Variants in VCF2 observed in about 807,000 individuals in gnomAD.
VCF2 encodes VCP nuclear cofactor family member 2.
At chrX:55,143,668 T>C in the VCF2 span, 1 of 502,474 alleles carries the variant, frequency 2.0e-6, no homozygotes, top group East Asian at 3.5e-5. Context: ...GTTTCACAGC[T>C]TTCTGAGCCC....
the VCF2 span, among the ~76,000 whole-genome samples, chrX:55,149,799 G>A: frequency 8.9e-6 from 1 of 111,871 alleles, no homozygotes. Flanking sequence ...AATTTGTTTG[G>A]AAAAATTTAA....
chrX:55,157,791 A>T, the VCF2 span, among the ~76,000 whole-genome samples: 1 of 111,895 alleles, frequency 8.9e-6, no homozygotes, highest in East Asian at 2.8e-4. Flanking sequence ...GCTCCAGATA[A>T]GCCACTTGTG....
At chrX:55,159,043 T>C in the VCF2 span, 1 of 770,887 alleles carries the variant, frequency 1.3e-6, no homozygotes, top group Non-Finnish European at 1.8e-6. Context: ...CTTGGAATAA[T>C]ACATTTCTTT....
the VCF2 span, among the ~76,000 whole-genome samples, chrX:55,148,600 G>A: frequency 9.1e-3 from 1,013 of 111,057 alleles, 10 homozygotes; most frequent in African/African-American, 0.031. Flanking sequence ...AAAGAAAGAT[G>A]TCTGGGATAA....
At chrX:55,147,480 T>A in the VCF2 span, among the ~76,000 whole-genome samples, 1 of 110,023 alleles carries the variant, frequency 9.1e-6, no homozygotes, top group African/African-American at 3.3e-5. Flanking sequence ...AAAAGAAAAT[T>A]AAAAAAAAAT....
chrX:55,160,959 C>T, the VCF2 span: 1 of 1,165,213 alleles, frequency 8.6e-7, no homozygotes, highest in Non-Finnish European at 1.1e-6. Flanking sequence ...GCCGCGCCAC[C>T]GGCCAACACT....
At chrX:55,158,350 G>A in the VCF2 span, among the ~76,000 whole-genome samples, 1 of 111,897 alleles carries the variant, frequency 8.9e-6, no homozygotes, top group Non-Finnish European at 1.9e-5. Flanking sequence ...GCACCTTGAA[G>A]TTAAAATTCA....
At chrX:55,156,450 C>G in the VCF2 span, among the ~76,000 whole-genome samples, 1 of 112,189 alleles carries the variant, frequency 8.9e-6, no homozygotes, top group African/African-American at 3.2e-5. Flanking sequence ...CTAACCAAAT[C>G]CATCAGAGGG....
chrX:55,152,102 G>A, the VCF2 span, among the ~76,000 whole-genome samples: 4 of 107,488 alleles, frequency 3.7e-5, no homozygotes, highest in Non-Finnish European at 5.8e-5. Context: ...CGTTTTAGCC[G>A]GGATGGTCTC....
chrX:55,155,948 T>C, the VCF2 span, among the ~76,000 whole-genome samples: 85 of 101,823 alleles, frequency 8.3e-4, no homozygotes, highest in African/African-American at 2.7e-3. Flanking sequence ...CTTCTTTTTT[T>C]TTTTTTTTTT....
chrX:55,152,186 C>T, the VCF2 span, among the ~76,000 whole-genome samples: 11 of 111,607 alleles, frequency 9.9e-5, no homozygotes, highest in Non-Finnish European at 1.3e-4. Context: ...CCACCGTGCC[C>T]GGCCAAGCTG....
the VCF2 span, among the ~76,000 whole-genome samples, chrX:55,150,489 C>T: frequency 1.8e-5 from 2 of 111,641 alleles, no homozygotes; most frequent in Non-Finnish European, 3.8e-5. Flanking sequence ...CTCGCTTGCC[C>T]ACCACTCACC....
chrX:55,161,166 C>T, the VCF2 span: 2 of 1,204,435 alleles, frequency 1.7e-6, no homozygotes, highest in Admixed American at 2.2e-5. Context: ...TAGTCCTGCC[C>T]TCGGAACCAT....
At chrX:55,143,944 G>T in the VCF2 span, 2 of 702,740 alleles carry the variant, frequency 2.8e-6, no homozygotes, top group Non-Finnish European at 4.3e-6. Flanking sequence ...GACCACTCTG[G>T]AATAAGACTG....
At chrX:55,160,604 T>A in the VCF2 span, 2 of 433,726 alleles carry the variant, frequency 4.6e-6, no homozygotes, top group East Asian at 3.7e-5. Flanking sequence ...TTTAACAGTC[T>A]AACCAAGTTT....
the VCF2 span, chrX:55,146,273 A>T: frequency 1.7e-6 from 2 of 1,209,643 alleles, no homozygotes; most frequent in Non-Finnish European, 1.1e-6. Flanking sequence ...CTGGGATATT[A>T]ATGCGGCTGC....
chrX:55,148,205 A>T, the VCF2 span, among the ~76,000 whole-genome samples: 1,021 of 110,839 alleles, frequency 9.2e-3, 9 homozygotes, highest in African/African-American at 0.032. Context: ...TGTAATAGAA[A>T]AAATGCCTGT....
At chrX:55,149,440 C>A in the VCF2 span, among the ~76,000 whole-genome samples, 1 of 111,321 alleles carries the variant, frequency 9.0e-6, no homozygotes, top group Non-Finnish European at 1.9e-5. Flanking sequence ...GCAGTTAAAG[C>A]CTTATCTTCA....
At chrX:55,157,390 G>C in the VCF2 span, among the ~76,000 whole-genome samples, 179 of 111,426 alleles carry the variant, frequency 1.6e-3, no homozygotes, top group African/African-American at 5.7e-3. Context: ...AAAACTAGCC[G>C]GCCATGGTGG....
Sources: gnomAD v4.1 joint callset for allele counts (sites outside exome capture counted in the v4.1 genomes callset) on GRCh38, gnomAD v4.1.1 for gene constraint, MANE v1.5 for transcripts, NCBI Gene and HGNC (gene_info 2026-07-23, HGNC 2026-07-21) for gene names.